NKAIN2: variants seen among roughly 807,000 people sequenced by gnomAD.
NKAIN2 encodes sodium/potassium-transporting ATPase subunit beta-1-interacting protein 2.
NKAIN2 carries 14 observed loss-of-function variants against 32.6 expected under a neutral mutation model. The observed-to-expected ratio is 0.43, with a 90% CI of 0.28 to 0.67. NKAIN2 has a LOEUF of 0.67. NKAIN2 is among the 30% of genes least tolerant of loss of function. The pLI is 0.17. For synonymous variants in NKAIN2, 80 were observed against 87.2 expected, an observed-to-expected ratio of 0.92 and a Z score of 0.46; for missense variants, 198 against 258.3, an observed-to-expected ratio of 0.77 and a Z score of 1.60.
At chr6:124,349,443 A>G (rs1798612218) in intron 2 of NKAIN2, among the ~76,000 whole-genome samples, 1 of 152,152 alleles carries the variant, frequency 6.6e-6, no homozygotes, top group Non-Finnish European at 1.5e-5. Context: ...TGGTGAGCTG[A>G]TACTAGTTTT....
rs530494256 is a variant in NKAIN2 at position 124,347,951 on chromosome 6, A to C, written c.193-7316A>C. Among the ~76,000 whole-genome samples, 539 of 151,802 alleles carry C rather than the reference A, an allele frequency of 3.6e-3. 2 individuals are homozygous for C. The highest frequency in any genetic ancestry group is 0.012 in the African/African-American group (515 of 41,382). ...TCCAGTTTTTCTGCTCTGTTTTTTC[A>C]CCATCTTTGTGGTTTTATCTACTTT... is the stretch of plus-strand genomic sequence containing the variant. On this transcript the variant is annotated intron_variant, in intron 2 of 6. Coordinates refer to ENST00000368417, the MANE Select transcript of NKAIN2 (RefSeq NM_001040214.3).
At chr6:124,155,210 T>C (rs1479379269) in intron 1 of NKAIN2, among the ~76,000 whole-genome samples, 2 of 152,084 alleles carry the variant, frequency 1.3e-5, no homozygotes, top group African/African-American at 2.4e-5. Flanking sequence ...AGATACAAAA[T>C]TATATCTAGA....
chr6:124,671,479 A>C (rs1773097942), intron 4 of NKAIN2, among the ~76,000 whole-genome samples: 1 of 152,038 alleles, frequency 6.6e-6, no homozygotes, highest in African/African-American at 2.4e-5. Context: ...AAACTCATAC[A>C]CTTGGCTTAC....
At chr6:124,176,872 T>G (rs933611316) in intron 1 of NKAIN2, among the ~76,000 whole-genome samples, 1 of 152,126 alleles carries the variant, frequency 6.6e-6, no homozygotes, top group Non-Finnish European at 1.5e-5. Context: ...TTTTCATGTT[T>G]GTCTTTTAAT....
intron 1 of NKAIN2, among the ~76,000 whole-genome samples, chr6:124,097,192 G>A (rs1170294797): frequency 6.6e-6 from 1 of 151,886 alleles, no homozygotes; most frequent in African/African-American, 2.4e-5. Flanking sequence ...GGCAGATCAC[G>A]AGGTCGAGAC....
chr6:124,725,965 G>A (rs536766415), intron 4 of NKAIN2, among the ~76,000 whole-genome samples: 1 of 152,208 alleles, frequency 6.6e-6, no homozygotes, highest in East Asian at 1.9e-4. Flanking sequence ...CTTGAAAATT[G>A]GGTCACTCCC....
intron 3 of NKAIN2, among the ~76,000 whole-genome samples, chr6:124,589,162 A>AAT (rs1469075454): frequency 2.6e-5 from 4 of 152,168 alleles, no homozygotes; most frequent in Admixed American, 2.0e-4. Flanking sequence ...TTGTGCAAAA[A>AAT]ATATGTATGC....
intron 1 of NKAIN2, among the ~76,000 whole-genome samples, chr6:123,953,430 A>T (rs1258058911): frequency 6.6e-6 from 1 of 152,106 alleles, no homozygotes; most frequent in African/African-American, 2.4e-5. Context: ...GCCCCTGGGC[A>T]GTAGGCAAGT....
intron 1 of NKAIN2, among the ~76,000 whole-genome samples, chr6:124,140,057 G>A (rs1787058393): frequency 6.6e-6 from 1 of 152,148 alleles, no homozygotes; most frequent in African/African-American, 2.4e-5. Context: ...CATATGAGAA[G>A]TGCAAACTTC....
At chr6:124,771,064 C>T (rs1283256774) in intron 4 of NKAIN2, among the ~76,000 whole-genome samples, 1 of 152,114 alleles carries the variant, frequency 6.6e-6, no homozygotes. Flanking sequence ...GACTTCCCTG[C>T]AGATCCTAAT....
intron 2 of NKAIN2, among the ~76,000 whole-genome samples, chr6:124,303,389 A>G (rs936336445): frequency 6.6e-6 from 1 of 152,154 alleles, no homozygotes; most frequent in Non-Finnish European, 1.5e-5. Flanking sequence ...AAACAGGTAG[A>G]TCTCTACACT....
intron 3 of NKAIN2, among the ~76,000 whole-genome samples, chr6:124,459,244 C>A (rs964734382): frequency 2.4e-4 from 37 of 151,788 alleles, no homozygotes; most frequent in Admixed American, 1.3e-4. Context: ...CCTATGTTGG[C>A]AATTTCAATG....
intron 1 of NKAIN2, among the ~76,000 whole-genome samples, chr6:123,967,106 C>T (rs775142769): frequency 4.6e-4 from 70 of 152,236 alleles, no homozygotes; most frequent in Non-Finnish European, 7.8e-4. Context: ...TAAGTGTAAC[C>T]GGAATAGGCA....
chr6:123,957,744 A>T (rs1777661532), intron 1 of NKAIN2, among the ~76,000 whole-genome samples: 1 of 152,196 alleles, frequency 6.6e-6, no homozygotes, highest in Non-Finnish European at 1.5e-5. Flanking sequence ...TGTCTTTATT[A>T]TGCCTTATTA....
At chr6:124,386,264 G>A (rs1202053920) in intron 3 of NKAIN2, among the ~76,000 whole-genome samples, 1 of 152,076 alleles carries the variant, frequency 6.6e-6, no homozygotes, top group African/African-American at 2.4e-5. Context: ...ATAAAACTTG[G>A]CTAACTTTCT....
At chr6:124,781,500 A>T (rs1288570498) in intron 4 of NKAIN2, among the ~76,000 whole-genome samples, 1 of 152,072 alleles carries the variant, frequency 6.6e-6, no homozygotes. Flanking sequence ...TGGTTAGATG[A>T]TTGGTTGGTT....
chr6:124,136,526 A>C (rs1786797747), intron 1 of NKAIN2, among the ~76,000 whole-genome samples: 2 of 152,144 alleles, frequency 1.3e-5, no homozygotes, highest in Admixed American at 1.3e-4. Flanking sequence ...ATTATCGTTA[A>C]TACCAAAACC....
At chr6:124,024,967 G>C (rs1278820990) in intron 1 of NKAIN2, among the ~76,000 whole-genome samples, 2 of 148,776 alleles carry the variant, frequency 1.3e-5, no homozygotes, top group Non-Finnish European at 3.0e-5. Context: ...CCTGGCAACA[G>C]AGTGAGATTC....
intron 1 of NKAIN2, among the ~76,000 whole-genome samples, chr6:124,157,264 C>A (rs1382962454): frequency 8.3e-6 from 1 of 120,256 alleles, no homozygotes; most frequent in East Asian, 3.0e-4. Flanking sequence ...CACACACACA[C>A]ACATACACAC....
Sources: gnomAD v4.1 joint callset for allele counts (sites outside exome capture counted in the v4.1 genomes callset) on GRCh38, gnomAD v4.1.1 for gene constraint, MANE v1.5 for transcripts, NCBI Gene and HGNC (gene_info 2026-07-23, HGNC 2026-07-21) for gene names.